The following MOB3B variants were observed in gnomAD, a reference collection of about 807,000 sequenced individuals.
MOB3B encodes MOB kinase activator 3B.
MOB3B carries 7 observed loss-of-function variants against 18.7 expected under a neutral mutation model. That is an observed-to-expected ratio of 0.37 (90% confidence interval 0.21 to 0.70). The LOEUF (loss-of-function observed/expected upper bound fraction) is 0.70. Among genes scored for constraint, MOB3B ranks in the 30% least tolerant of loss-of-function variants. The probability of loss-of-function intolerance (pLI) is 0.52; values close to 1 mark genes in which losing one functional copy is unlikely to be tolerated. For missense variants in MOB3B, 253 were observed against 281.3 expected (o/e 0.90, Z 0.72); for synonymous variants, 111 against 99.9 (o/e 1.11, Z -0.66).
chr9:27,470,114 G>GAAAAA (rs751414011), intron 1 of MOB3B, among the ~76,000 whole-genome samples: 30,135 of 125,908 alleles, frequency 0.24, 3,893 homozygotes, highest in African/African-American at 0.26. Flanking sequence ...TCTCTTAAAA[G>GAAAAA]AAAAAAAAAA....
intron 3 of MOB3B, among the ~76,000 whole-genome samples, chr9:27,332,904 G>T (rs972290144): frequency 6.6e-6 from 1 of 152,186 alleles, no homozygotes; most frequent in Non-Finnish European, 1.5e-5. Context: ...AAGCCTCTAA[G>T]ATAGTCTTAT....
At chr9:27,441,371 C>T (rs991467745) in intron 2 of MOB3B, among the ~76,000 whole-genome samples, 1 of 152,116 alleles carries the variant, frequency 6.6e-6, no homozygotes, top group Non-Finnish European at 1.5e-5. Flanking sequence ...AAAGGAAGCA[C>T]TTTATGGCTT....
intron 2 of MOB3B, among the ~76,000 whole-genome samples, chr9:27,425,329 C>T (rs1025708358): frequency 1.3e-5 from 2 of 150,172 alleles, no homozygotes; most frequent in Admixed American, 6.7e-5. Flanking sequence ...GAGCCGAGAG[C>T]GCGCCATTGC....
Position 27,359,016 on chromosome 9 carries a change from T to C in MOB3B, c.621+18A>G, listed in dbSNP as rs772235630. 6.2e-7 allele frequency: 1 copy of C among 1,610,620 alleles called. No individual in the cohort carries two copies. The highest frequency in any genetic ancestry group is 1.1e-5 in the South Asian group (1 of 90,994). On this transcript the variant is annotated intron_variant, in intron 3 of 3. Coordinates refer to ENST00000262244, the MANE Select transcript of MOB3B (RefSeq NM_024761.5). The stretch of plus-strand genomic sequence containing the variant: ...TCCTGGGGTGACTTGGATACCATTA[T>C]TTCATGGTGTCACTTACCAAAGGCT...
At chr9:27,422,032 T>A (rs1822261136) in intron 2 of MOB3B, among the ~76,000 whole-genome samples, 1 of 152,220 alleles carries the variant, frequency 6.6e-6, no homozygotes. Context: ...CCTCAGTAAG[T>A]GTCAAAACAG....
rs58851638 is a variant in MOB3B at position 27,357,888 on chromosome 9, C to CAAAAAAAAA, written c.621+1137_621+1145dup. Among the ~76,000 whole-genome samples, 80 of 57,956 alleles carry CAAAAAAAAA rather than the reference C, an allele frequency of 1.4e-3. 9 individuals carry two copies. The highest frequency in any genetic ancestry group is 0.012 in the East Asian group (17 of 1,394). The allele number at this position is 57,956 out of a possible 152,430, so 38.0% of individuals were successfully genotyped here. ...TCAACATAATGAGATCCCATCGCTA[C>CAAAAAAAAA]AAAAAAAAAAAAAAAAAAAAAAAAA... On this transcript the variant is annotated intron_variant, in intron 3 of 3. Transcript: ENST00000262244.
chr9:27,403,268 C>G (rs973315068), intron 2 of MOB3B, among the ~76,000 whole-genome samples: 3 of 152,138 alleles, frequency 2.0e-5, no homozygotes, highest in African/African-American at 4.8e-5. Context: ...AGATTGAAGT[C>G]ACATTTAGGG....
rs143530035 is a variant in MOB3B at position 27,403,222 on chromosome 9, A to G, written c.419-43986T>C. On this transcript the variant is annotated intron_variant, in intron 2 of 3. Transcript: ENST00000262244. The stretch of plus-strand genomic sequence containing the variant: ...ACCTAGCCATACATATGTCTTTAAC[A>G]TTTCAAGTAATGGCCAGTTTATATC... Among the ~76,000 whole-genome samples the G allele has an allele frequency of 3.9e-5, 6 of 152,372 alleles. No individual in the cohort carries two copies. In the East Asian group the frequency reaches 7.7e-4, roughly 20 times the overall value.
intron 3 of MOB3B, among the ~76,000 whole-genome samples, chr9:27,336,332 G>GT (rs1820862985): frequency 7.7e-6 from 1 of 130,568 alleles, no homozygotes; most frequent in Non-Finnish European, 1.5e-5. Flanking sequence ...AATGGATAAG[G>GT]GGGGGGAAGA....
chr9:27,429,028 C>T (rs1040287722), intron 2 of MOB3B, among the ~76,000 whole-genome samples: 1 of 152,214 alleles, frequency 6.6e-6, no homozygotes, highest in Non-Finnish European at 1.5e-5. Context: ...TTGACTCATA[C>T]ATACTTTAGA....
chr9:27,331,256 T>C (rs542450703), intron 3 of MOB3B, among the ~76,000 whole-genome samples: 3 of 152,278 alleles, frequency 2.0e-5, no homozygotes, highest in Admixed American at 1.3e-4. Flanking sequence ...TCCGCACAGG[T>C]TGAGTCCCAT....
chr9:27,491,790 G>A (rs1485882927), intron 1 of MOB3B, among the ~76,000 whole-genome samples: 6 of 152,062 alleles, frequency 3.9e-5, no homozygotes, highest in Admixed American at 2.0e-4. Flanking sequence ...GGAGAATGGC[G>A]TGAACCAGGA....
chr9:27,448,920 C>T (rs1363257394), intron 2 of MOB3B, among the ~76,000 whole-genome samples: 1 of 152,102 alleles, frequency 6.6e-6, no homozygotes, highest in Non-Finnish European at 1.5e-5. Flanking sequence ...GTAACCTTGC[C>T]CAACGTTATT....
intron 3 of MOB3B, among the ~76,000 whole-genome samples, chr9:27,354,611 G>C (rs2131351344): frequency 6.6e-6 from 1 of 152,330 alleles, no homozygotes; most frequent in African/African-American, 2.4e-5. Flanking sequence ...GTATTGAAGA[G>C]AGTGACCAGT....
chr9:27,503,121 A>G (rs550235013), intron 1 of MOB3B, among the ~76,000 whole-genome samples: 59 of 152,264 alleles, frequency 3.9e-4, no homozygotes, highest in Non-Finnish European at 5.4e-4. Flanking sequence ...CTCCTCAAAT[A>G]AAGAGCTAGG....
chr9:27,525,042 T>G (rs1449890041), intron 1 of MOB3B: 1 of 1,222,682 alleles, frequency 8.2e-7, no homozygotes, highest in Non-Finnish European at 1.1e-6. Flanking sequence ...TTAAGGATTG[T>G]TGTGCTGTCC....
chr9:27,340,649 C>T (rs922147101), intron 3 of MOB3B, among the ~76,000 whole-genome samples: 7 of 152,266 alleles, frequency 4.6e-5, no homozygotes, highest in African/African-American at 1.7e-4. Context: ...CCTACCATGT[C>T]CTTCCCACCT....
intron 1 of MOB3B, among the ~76,000 whole-genome samples, chr9:27,514,373 A>C (rs1420632526): frequency 2.0e-5 from 3 of 146,980 alleles, no homozygotes; most frequent in Non-Finnish European, 3.0e-5. Context: ...AAAAAAGACC[A>C]CAAGTTGCTT....
intron 2 of MOB3B, among the ~76,000 whole-genome samples, chr9:27,449,329 G>T (rs1822746345): frequency 6.6e-6 from 1 of 152,200 alleles, no homozygotes; most frequent in South Asian, 2.1e-4. Flanking sequence ...TTGGTTGGCA[G>T]TTAAAAAGAA....
Sources: allele counts gnomAD v4.1 joint callset (sites outside exome capture counted in the v4.1 genomes callset), GRCh38; gene constraint gnomAD v4.1.1; transcripts MANE v1.5; gene names NCBI Gene and HGNC (gene_info 2026-07-23, HGNC 2026-07-21).